MACO1: variants seen among roughly 807,000 people sequenced by gnomAD.
MACO1 encodes macoilin 1.
MACO1 carries 14 observed loss-of-function variants against 78.7 expected under a neutral mutation model. The ratio of observed to expected loss-of-function variants is 0.18; its 90% CI spans 0.12 to 0.28. MACO1 has a LOEUF of 0.28. MACO1 is among the 10% of genes least tolerant of loss of function. The probability of loss-of-function intolerance (pLI) is 1.00; values close to 1 mark genes in which losing one functional copy is unlikely to be tolerated. For synonymous variants in MACO1, 288 were observed against 291.6 expected (o/e 0.99, Z 0.12); for missense variants, 501 against 799.0 (o/e 0.63, Z 4.50).
intron 6 of MACO1, among the ~76,000 whole-genome samples, chr1:25,462,346 G>T (rs539136395): frequency 5.3e-5 from 8 of 151,852 alleles, no homozygotes; most frequent in African/African-American, 1.7e-4. Flanking sequence ...CAGGTTTGTT[G>T]CAAGGGCATA....
intron 10 of MACO1, among the ~76,000 whole-genome samples, chr1:25,495,248 C>G (rs1469560507): frequency 6.6e-6 from 1 of 152,186 alleles, no homozygotes; most frequent in African/African-American, 2.4e-5. Flanking sequence ...GGCTTCCCAG[C>G]TCAGACTGTG....
At chr1:25,498,090 A>G (rs991370312) in intron 10 of MACO1, among the ~76,000 whole-genome samples, 174 bp from the exon 11 acceptor site, 1 of 152,222 alleles carries the variant, frequency 6.6e-6, no homozygotes, top group African/African-American at 2.4e-5. Flanking sequence ...TATATGGCCC[A>G]CGACACCTAA....
chr1:25,458,660 A>G lies in MACO1; in HGVS notation c.922A>G (p.Asn308Asp). Residue 308 changes from asparagine to aspartate, a missense_variant, in exon 6 of 11, where the codon AAT becomes GAT. Physicochemically the swap from Asn to Asp is conservative, Grantham distance 23 (BLOSUM62 1). This residue lies in a region of MACO1 where 90 missense variants were observed against 85.7 expected (regional missense o/e 1.05). Coordinates refer to ENST00000374343, the MANE Select transcript of MACO1 (RefSeq NM_018202.6). ...LNNDLVGSTE[N>D]LLKEDSCTAS... ...TAATGATCTTGTGGGAAGTACAGAA[A>G]ATCTCTTGAAAGAGGACTCATGCAC... 6.2e-7 allele frequency: 1 copy of G among 1,614,180 alleles called. No individual in the cohort carries two copies. Among genetic ancestry groups the G allele is most frequent in the Non-Finnish European group, 8.5e-7 (1 of 1,180,040 alleles).
chr1:25,432,093 A>G (rs1487379151), intron 1 of MACO1, among the ~76,000 whole-genome samples: 3 of 152,168 alleles, frequency 2.0e-5, no homozygotes, highest in African/African-American at 7.2e-5. Flanking sequence ...TGTAAATGGT[A>G]TTTGCCTTGA....
intron 9 of MACO1, 109 bp from the exon 10 acceptor site, chr1:25,491,301 C>G: frequency 6.8e-7 from 1 of 1,471,672 alleles, no homozygotes; most frequent in Non-Finnish European, 9.2e-7. Flanking sequence ...ATTTTGTGTT[C>G]TAGTGGCCAG....
At chr1:25,457,371 T>C (rs114137634) in intron 5 of MACO1, among the ~76,000 whole-genome samples, 2,114 of 152,234 alleles carry the variant, frequency 0.014, 29 homozygotes, top group Non-Finnish European at 0.018. Context: ...CTCCACCTTC[T>C]GAAGTGTAGG....
At chr1:25,474,154 C>T (rs1278352524) in intron 6 of MACO1, among the ~76,000 whole-genome samples, 1 of 152,130 alleles carries the variant, frequency 6.6e-6, no homozygotes, top group African/African-American at 2.4e-5. Context: ...CCAGTTGTTG[C>T]CATGGGGGAT....
At chr1:25,450,979 A>G (rs1417974899) in intron 3 of MACO1, among the ~76,000 whole-genome samples, 1 of 152,232 alleles carries the variant, frequency 6.6e-6, no homozygotes, top group Non-Finnish European at 1.5e-5. Flanking sequence ...GTGGAGAAGA[A>G]ACTAACCATA....
At position 25,485,664 on chromosome 1, in the gene MACO1, G is replaced by C; in HGVS notation, c.1365G>C (p.Gln455His). The change falls in exon 8 of 11, where the codon CAG (glutamine) becomes CAC (histidine). Residue 455 changes from glutamine to histidine, a missense_variant. By Grantham distance (24) the Gln-to-His change is conservative. This residue lies in a region of MACO1 where 163 missense variants were observed against 271.9 expected (regional missense o/e 0.60). Coordinates refer to ENST00000374343, the MANE Select transcript of MACO1 (RefSeq NM_018202.6). This position sits in a 1 kb window ranked among gnomAD's most constrained non-coding sequence, Gnocchi z 4.3. The stretch of plus-strand genomic sequence containing the variant: ...AAAAAGACAAGCAGAATATCAGCCA[G>C]TTGGAGAAAAAGCTAAAAGCTGAGC... ...MKQKDKQNIS[Q>H]LEKKLKAEQE... 1 of 1,614,186 alleles carries C rather than the reference G, an allele frequency of 6.2e-7. No homozygotes were observed. The highest frequency in any genetic ancestry group is 8.5e-7 in the Non-Finnish European group (1 of 1,180,036).
chr1:25,438,878 AAC>A, intron 1 of MACO1, among the ~76,000 whole-genome samples: 1 of 152,278 alleles, frequency 6.6e-6, no homozygotes, highest in East Asian at 1.9e-4. Flanking sequence ...CAGCCTAGGC[AAC>A]AGAGTGAGAC....
chr1:25,466,795 T>C (rs1184335581), intron 6 of MACO1, among the ~76,000 whole-genome samples: 1 of 152,210 alleles, frequency 6.6e-6, no homozygotes, highest in East Asian at 1.9e-4. Context: ...TTTAATGAGG[T>C]CTAGCTTGTC....
chr1:25,479,301 G>GT (rs2043349645), intron 6 of MACO1, among the ~76,000 whole-genome samples: 1 of 152,272 alleles, frequency 6.6e-6, no homozygotes, highest in African/African-American at 2.4e-5. Flanking sequence ...TACCTATAAA[G>GT]TATTGAACTT....
At chr1:25,491,306 G>T (rs2043483938) in intron 9 of MACO1, 104 bp from the exon 10 acceptor site, 2 of 1,500,502 alleles carry the variant, frequency 1.3e-6, no homozygotes, top group South Asian at 2.6e-5. Context: ...GTGTTCTAGT[G>T]GCCAGACCAA....
intron 1 of MACO1, among the ~76,000 whole-genome samples, chr1:25,445,132 TAAA>T (rs11297651): frequency 3.6e-4 from 40 of 112,236 alleles, no homozygotes; most frequent in African/African-American, 8.1e-4. Context: ...CCATCTCTAT[TAAA>T]AAAAAAAAAA....
chr1:25,442,267 A>G (rs1307707944), intron 1 of MACO1, among the ~76,000 whole-genome samples: 1 of 152,168 alleles, frequency 6.6e-6, no homozygotes, highest in Non-Finnish European at 1.5e-5. Flanking sequence ...CAGTAGGGAG[A>G]GGTATTGGAT....
intron 1 of MACO1, 36 bp downstream of exon 1, chr1:25,431,214 C>T (rs1322078741): frequency 6.5e-7 from 1 of 1,531,704 alleles, no homozygotes; most frequent in Admixed American, 1.9e-5. Flanking sequence ...GGGCGCGGGC[C>T]CTGCGGTCCC....
At chr1:25,460,564 C>T (rs142952833) in intron 6 of MACO1, among the ~76,000 whole-genome samples, 11,156 of 152,106 alleles carry the variant, frequency 0.073, 1,343 homozygotes, top group African/African-American at 0.25. Flanking sequence ...GCCACTATGC[C>T]TGGCTAATTT....
chr1:25,447,066 T>TA lies in MACO1; in HGVS notation c.222+164dup, dbSNP rs753554318. Reference sequence around the variant, plus strand: ...TGTCTAAACCCATTGATCAAATAGTTACATTTTCTCCTCCTCTCCCATTCC... The same window carrying TA: ...TGTCTAAACCCATTGATCAAATAGTTAACATTTTCTCCTCCTCTCCCATTCC... On this transcript the variant is annotated intron_variant, in intron 2 of 10. Transcript: ENST00000374343. 8.7e-4 allele frequency among the ~76,000 whole-genome samples: 133 copies of TA among 152,344 alleles called. 8 individuals carry two copies. The highest frequency in any genetic ancestry group is 4.3e-4 in the Non-Finnish European group (29 of 68,028).
intron 6 of MACO1, among the ~76,000 whole-genome samples, chr1:25,481,786 C>T (rs951772825): frequency 1.3e-5 from 2 of 152,054 alleles, no homozygotes; most frequent in African/African-American, 4.8e-5. Context: ...GGTGTGATGT[C>T]GACTTGTGAC....
Sources: allele counts gnomAD v4.1 joint callset (sites outside exome capture counted in the v4.1 genomes callset), GRCh38; gene constraint gnomAD v4.1.1; regional missense constraint gnomAD v4.1.1; non-coding constraint Gnocchi (gnomAD v3.1); transcripts MANE v1.5; gene names NCBI Gene and HGNC (gene_info 2026-07-23, HGNC 2026-07-21).